Variants in SERTAD2 observed in about 807,000 individuals in gnomAD.
SERTAD2 encodes the protein SERTA domain containing 2.
SERTAD2 carries 2 observed loss-of-function variants against 15.4 expected under a neutral mutation model. The observed-to-expected ratio is 0.13, with a 90% confidence interval of 0.05 to 0.41. The LOEUF is 0.41. Ranked by LOEUF, SERTAD2 falls within the 10% of genes least tolerant of loss-of-function variation. The pLI is 0.99. For missense variants in SERTAD2, 333 were observed against 409.7 expected, an observed-to-expected ratio of 0.81 and a Z score of 1.62; for synonymous variants, 180 against 178.0, an observed-to-expected ratio of 1.01 and a Z score of -0.09.
chr2:64,641,901 G>A (rs777488512), intron 1 of SERTAD2, among the ~76,000 whole-genome samples: 15 of 152,194 alleles, frequency 9.9e-5, no homozygotes, highest in African/African-American at 3.6e-4. Flanking sequence ...AGCACAGGCC[G>A]TTGGGCCCCA....
At chr2:64,641,758 T>C (rs936374098) in intron 1 of SERTAD2, among the ~76,000 whole-genome samples, 2 of 151,816 alleles carry the variant, frequency 1.3e-5, no homozygotes, top group Non-Finnish European at 2.9e-5. Flanking sequence ...GGGATCAGGG[T>C]CGCGCAATGC....
chr2:64,644,791 G>C (rs2104348085), intron 1 of SERTAD2: 1 of 152,460 alleles, frequency 6.6e-6, no homozygotes, highest in East Asian at 1.9e-4. Context: ...CGCGTGTCCT[G>C]ACACTGCAGC....
At chr2:64,643,168 G>C (rs750251043) in intron 1 of SERTAD2, among the ~76,000 whole-genome samples, 3 of 152,314 alleles carry the variant, frequency 2.0e-5, no homozygotes, top group Admixed American at 6.5e-5. Context: ...GGAAAGCATC[G>C]CCTTAGAAGC....
At chr2:64,640,606 T>C (rs545304447) in intron 1 of SERTAD2, among the ~76,000 whole-genome samples, 10 of 151,602 alleles carry the variant, frequency 6.6e-5, no homozygotes, top group Non-Finnish European at 1.2e-4. Flanking sequence ...GCTAAGGACG[T>C]GTAGGTGACT....
At chr2:64,647,021 A>G (rs1346121389) in intron 1 of SERTAD2, among the ~76,000 whole-genome samples, 29 of 152,354 alleles carry the variant, frequency 1.9e-4, no homozygotes, top group Non-Finnish European at 7.4e-5. Context: ...TCCATACTGA[A>G]CAGATACTGC....
At chr2:64,652,237 C>G (rs535992756) in intron 1 of SERTAD2, among the ~76,000 whole-genome samples, 2 of 152,134 alleles carry the variant, frequency 1.3e-5, no homozygotes, top group Non-Finnish European at 2.9e-5. Context: ...TCACAGCACA[C>G]CCTAGCACAC....
chr2:64,637,376 T>C (rs1233318061), intron 1 of SERTAD2, among the ~76,000 whole-genome samples: 1 of 152,170 alleles, frequency 6.6e-6, no homozygotes, highest in African/African-American at 2.4e-5. Flanking sequence ...AAAGGTAACA[T>C]GTATAATTTG....
rs1463035793 is a variant in SERTAD2, at chr2:64,636,836, C to G, written c.36G>C (p.Glu12Asp). 1 of 1,613,624 alleles carries G rather than the reference C, an allele frequency of 6.2e-7. No individual in the cohort carries two copies. Among genetic ancestry groups the G allele is most frequent in the Non-Finnish European group, 8.5e-7 (1 of 1,179,744 alleles). The change falls in exon 2 of 2, where the codon GAG becomes GAC. Residue 12 changes from glutamate (E) to aspartate (D), a missense_variant. Physicochemically the swap from Glu to Asp is conservative, Grantham distance 45. Transcript: ENST00000313349. ...LGKGGKRKFD[E>D]HEDGLEGKIV... ...TTTTGCCTTCCAGCCCATCTTCATGCTCATCAAACTTCCGTTTTCCTCCTT... is the reference window on the plus strand; with the variant it reads ...TTTTGCCTTCCAGCCCATCTTCATGGTCATCAAACTTCCGTTTTCCTCCTT...
At chr2:64,640,038 T>G in intron 1 of SERTAD2, among the ~76,000 whole-genome samples, 1 of 152,058 alleles carries the variant, frequency 6.6e-6, no homozygotes, top group African/African-American at 2.4e-5. Flanking sequence ...CTCAAGGCAG[T>G]TTTGCCACCA....
At position 64,633,488 on chromosome 2, in the gene SERTAD2, C is replaced by T. The variant is rs1052270897; in HGVS notation, c.*2439G>A. ...ACTGTAAATCAGTTTTTAACAATGGCAAACCAACTGTTTTACCCTGTTATT... is the reference window on the plus strand; with the variant it reads ...ACTGTAAATCAGTTTTTAACAATGGTAAACCAACTGTTTTACCCTGTTATT... On this transcript the variant is annotated 3_prime_UTR_variant, in exon 2 of 2. Coordinates refer to ENST00000313349, the MANE Select transcript of SERTAD2 (RefSeq NM_014755.3). The T allele has an allele frequency of 6.6e-6, 1 of 152,180 alleles. No individual in the cohort carries two copies. The highest frequency in any genetic ancestry group is 2.4e-5 in the African/African-American group (1 of 41,436). The allele number at this position is 152,180 out of a possible 1,614,324, so 9.4% of individuals were successfully genotyped here.
intron 1 of SERTAD2, among the ~76,000 whole-genome samples, chr2:64,653,103 G>A (rs535928986): frequency 1.3e-5 from 2 of 152,066 alleles, no homozygotes; most frequent in South Asian, 2.1e-4. Flanking sequence ...AAGAAAAGAG[G>A]GTGGAGAGGA....
At chr2:64,639,449 G>C (rs1229570797) in intron 1 of SERTAD2, among the ~76,000 whole-genome samples, 1 of 152,180 alleles carries the variant, frequency 6.6e-6, no homozygotes, top group Non-Finnish European at 1.5e-5. Context: ...GGAACCAAGA[G>C]AGCCCCTAAT....
chr2:64,652,470 C>T (rs1675033020), intron 1 of SERTAD2, among the ~76,000 whole-genome samples: 3 of 152,198 alleles, frequency 2.0e-5, no homozygotes, highest in Non-Finnish European at 4.4e-5. Flanking sequence ...ACACTTAGGG[C>T]CTCAGGAATC....
At chr2:64,637,995 C>G (rs1674694591) in intron 1 of SERTAD2, among the ~76,000 whole-genome samples, 4 of 152,204 alleles carry the variant, frequency 2.6e-5, no homozygotes, top group African/African-American at 9.7e-5. Flanking sequence ...TTAGCCTTTG[C>G]CTCAAAGATC....
chr2:64,649,145 T>C (rs1674960787), intron 1 of SERTAD2, among the ~76,000 whole-genome samples: 1 of 152,230 alleles, frequency 6.6e-6, no homozygotes, highest in African/African-American at 2.4e-5. Flanking sequence ...TGACTAGGAT[T>C]TTATGCAAAC....
chr2:64,639,619 G>A (rs1475680120), intron 1 of SERTAD2, among the ~76,000 whole-genome samples: 10 of 152,244 alleles, frequency 6.6e-5, no homozygotes, highest in Non-Finnish European at 1.2e-4. Flanking sequence ...ATGCAGAATT[G>A]TCTTTTTAAA....
chr2:64,645,988 A>T (rs79183084), intron 1 of SERTAD2, among the ~76,000 whole-genome samples: 10,733 of 151,566 alleles, frequency 0.071, 484 homozygotes, highest in Middle Eastern at 0.14. Flanking sequence ...GTTTTAAGGA[A>T]TTTTTTTTAA....
intron 1 of SERTAD2, chr2:64,646,530 C>G (rs144099128): frequency 1.2e-3 from 178 of 152,210 alleles, no homozygotes; most frequent in African/African-American, 4.2e-3. Context: ...GGGGCGCAGC[C>G]GAGCAGCAAG....
At chr2:64,647,581 A>G (rs188475309) in intron 1 of SERTAD2, among the ~76,000 whole-genome samples, 10 of 152,034 alleles carry the variant, frequency 6.6e-5, no homozygotes, top group African/African-American at 2.2e-4. Context: ...TTTCTCCCTC[A>G]CACTAGAGAC....
Sources: gnomAD v4.1 joint callset for allele counts (sites outside exome capture counted in the v4.1 genomes callset) on GRCh38, gnomAD v4.1.1 for gene constraint, MANE v1.5 for transcripts, NCBI Gene and HGNC (gene_info 2026-07-23, HGNC 2026-07-21) for gene names.